Variants in CDYL2 observed in about 807,000 individuals in gnomAD.
The protein encoded by CDYL2 is chromodomain Y-like protein 2.
CDYL2 carries 23 observed loss-of-function variants against 49.4 expected under a neutral mutation model. The ratio of observed to expected loss-of-function variants is 0.47; its 90% CI spans 0.34 to 0.66. CDYL2 has a LOEUF of 0.66. Ranked by LOEUF, CDYL2 falls within the 30% of genes least tolerant of loss-of-function variation. CDYL2 has a pLI of 0.01. For synonymous variants in CDYL2, 360 were observed against 268.8 expected (o/e 1.34, Z -3.32); for missense variants, 678 against 656.4 (o/e 1.03, Z -0.36).
chr16:80,739,936 C>T (rs140588842), intron 1 of CDYL2, among the ~76,000 whole-genome samples: 2 of 152,282 alleles, frequency 1.3e-5, no homozygotes, highest in African/African-American at 2.4e-5. Flanking sequence ...AGCTGAGTCA[C>T]GTACATTGAT....
At chr16:80,712,651 C>G (rs776753652) in intron 1 of CDYL2, among the ~76,000 whole-genome samples, 1 of 152,020 alleles carries the variant, frequency 6.6e-6, no homozygotes, top group Non-Finnish European at 1.5e-5. Flanking sequence ...AAAGGAAAAC[C>G]AAACCACAAT....
At position 80,684,902 on chromosome 16, in the gene CDYL2, C is replaced by T. The variant is rs1036863414; in HGVS notation, c.252G>A (p.Pro84=). 3.7e-6 allele frequency: 6 copies of T among 1,614,164 alleles called. No homozygotes were observed. Among genetic ancestry groups the T allele is most frequent in the Non-Finnish European group, 3.4e-6 (4 of 1,180,030 alleles). Residue 84 remains proline (P), a synonymous_variant, in exon 2 of 7, where the codon CCG becomes CCA. Coordinates refer to ENST00000570137, the MANE Select transcript of CDYL2 (RefSeq NM_152342.4). The part of the protein sequence containing the change: ...TSKLLRDSRG[P]SVEKLSHRPS... ...GTCTGTGGGACAGTTTCTCAACCGA[C>T]GGGCCTCGACTGTCACGCAGCAGCT...
chr16:80,624,512 G>A (rs1907220805), intron 3 of CDYL2, among the ~76,000 whole-genome samples: 1 of 152,148 alleles, frequency 6.6e-6, no homozygotes, highest in South Asian at 2.1e-4. Context: ...CTGGGGAGAA[G>A]CTGCAACCCA....
chr16:80,598,765 C>T lies in CDYL2; in HGVS notation c.*5623G>A, dbSNP rs536978910. ...TTTCAGAGCCTTTTCAATATGACAA[C>T]GAATCCCTCTGTATGGCCAGCCAGG... On this transcript the variant is annotated 3_prime_UTR_variant, in exon 7 of 7. Transcript: ENST00000570137. 2.6e-4 allele frequency: 40 copies of T among 152,214 alleles called. No individual in the cohort carries two copies. Among genetic ancestry groups the T allele is most frequent in the African/African-American group, 5.8e-4 (24 of 41,510 alleles). 9.4% of individuals were successfully genotyped at this position (152,214 alleles called of 1,614,324 possible).
chr16:80,778,040 T>C (rs3096279), intron 1 of CDYL2, among the ~76,000 whole-genome samples: 37,764 of 151,918 alleles, frequency 0.25, 6,121 homozygotes, highest in East Asian at 0.64. Context: ...CTAAATTATA[T>C]CTAGTGATAA....
chr16:80,606,221 C>G (rs749578907), intron 6 of CDYL2, among the ~76,000 whole-genome samples: 1 of 152,206 alleles, frequency 6.6e-6, no homozygotes, highest in Non-Finnish European at 1.5e-5. Flanking sequence ...GGAATGGCCT[C>G]GAAGAGCACC....
At chr16:80,721,683 G>A (rs984341895) in intron 1 of CDYL2, among the ~76,000 whole-genome samples, 1 of 152,178 alleles carries the variant, frequency 6.6e-6, no homozygotes, top group Non-Finnish European at 1.5e-5. Context: ...CTGTAATCAG[G>A]ATTGAAATCA....
chr16:80,728,185 G>C (rs927596784), intron 1 of CDYL2, among the ~76,000 whole-genome samples: 1 of 152,048 alleles, frequency 6.6e-6, no homozygotes, highest in African/African-American at 2.4e-5. Flanking sequence ...AGGCAAAGAA[G>C]TTAAAAACTT....
chr16:80,647,190 T>C (rs572718831), intron 2 of CDYL2, among the ~76,000 whole-genome samples: 2 of 152,098 alleles, frequency 1.3e-5, no homozygotes, highest in Non-Finnish European at 2.9e-5. Flanking sequence ...TATAAAATAC[T>C]GATGAAAGAA....
chr16:80,618,929 C>A, intron 4 of CDYL2, among the ~76,000 whole-genome samples: 1 of 152,176 alleles, frequency 6.6e-6, no homozygotes, highest in East Asian at 1.9e-4. Flanking sequence ...GGAACAGTCA[C>A]CACAAACTTG....
chr16:80,724,120 G>A (rs772787151), intron 1 of CDYL2, among the ~76,000 whole-genome samples: 8 of 149,854 alleles, frequency 5.3e-5, no homozygotes, highest in Non-Finnish European at 1.0e-4. Flanking sequence ...AGAGAAAGGA[G>A]AAGAAAGAAA....
chr16:80,751,080 C>G (rs531677148), intron 1 of CDYL2, among the ~76,000 whole-genome samples: 130 of 152,152 alleles, frequency 8.5e-4, no homozygotes, highest in Middle Eastern at 3.4e-3. Context: ...ACTCATTTTA[C>G]ATTATAGAAA....
chr16:80,772,451 G>A (rs904626558), intron 1 of CDYL2, among the ~76,000 whole-genome samples: 1 of 152,246 alleles, frequency 6.6e-6, no homozygotes, highest in Admixed American at 6.5e-5. Flanking sequence ...AGTGCAAATT[G>A]CAATTTTTTT....
intron 1 of CDYL2, among the ~76,000 whole-genome samples, chr16:80,686,779 G>A (rs191026783): frequency 1.3e-5 from 2 of 152,278 alleles, no homozygotes; most frequent in East Asian, 1.9e-4. Context: ...CAAATAACTA[G>A]ACCATACTGC....
intron 1 of CDYL2, among the ~76,000 whole-genome samples, chr16:80,722,920 T>C (rs753595304): frequency 8.5e-5 from 13 of 152,136 alleles, no homozygotes; most frequent in Non-Finnish European, 1.3e-4. Flanking sequence ...TCAGTCCCCA[T>C]AGAAGAGAAG....
intron 1 of CDYL2, among the ~76,000 whole-genome samples, chr16:80,714,932 C>A (rs1009407777): frequency 7.2e-5 from 11 of 152,052 alleles, no homozygotes; most frequent in African/African-American, 2.7e-4. Context: ...ATCTGTCCCC[C>A]CAAGTAGGAT....
At chr16:80,787,196 G>C (rs376795710) in intron 1 of CDYL2, among the ~76,000 whole-genome samples, 1 of 152,162 alleles carries the variant, frequency 6.6e-6, no homozygotes, top group African/African-American at 2.4e-5. Context: ...AGAGACTATT[G>C]TTTCTTCCAC....
intron 1 of CDYL2, among the ~76,000 whole-genome samples, chr16:80,785,816 A>C (rs1907417285): frequency 6.6e-6 from 1 of 152,186 alleles, no homozygotes; most frequent in South Asian, 2.1e-4. Context: ...CCACACATCT[A>C]CCGTCATCCG....
intron 2 of CDYL2, among the ~76,000 whole-genome samples, chr16:80,657,568 T>A (rs1436206828): frequency 6.6e-6 from 1 of 152,128 alleles, no homozygotes; most frequent in Admixed American, 6.5e-5. Flanking sequence ...TTAAAACTCA[T>A]AACAAAGAAA....
Sources: gnomAD v4.1 joint callset for allele counts (sites outside exome capture counted in the v4.1 genomes callset) on GRCh38, gnomAD v4.1.1 for gene constraint, MANE v1.5 for transcripts, NCBI Gene and HGNC (gene_info 2026-07-23, HGNC 2026-07-21) for gene names.